Variants in SLC20A2 observed in about 807,000 individuals in gnomAD.
The protein encoded by SLC20A2 is sodium-dependent phosphate transporter 2.
In SLC20A2, 30 loss-of-function variants were observed where a neutral mutation model predicts 61.0. That is an observed-to-expected ratio of 0.49 (90% CI 0.37 to 0.67). SLC20A2 has a LOEUF of 0.67. Among genes scored for constraint, SLC20A2 ranks in the 30% least tolerant of loss-of-function variants. SLC20A2 has a pLI of 0.00. For synonymous variants in SLC20A2, 351 were observed against 353.3 expected (o/e 0.99, Z 0.07); for missense variants, 626 against 866.4 (o/e 0.72, Z 3.48).
intron 1 of SLC20A2, among the ~76,000 whole-genome samples, chr8:42,498,278 T>C (rs1250447149): frequency 6.6e-6 from 1 of 152,134 alleles, no homozygotes; most frequent in African/African-American, 2.4e-5. Context: ...CTGGGGTCAG[T>C]CTTGTCACTT....
At chr8:42,461,367 AAG>A (rs1806684694) in intron 4 of SLC20A2, among the ~76,000 whole-genome samples, 1 of 152,176 alleles carries the variant, frequency 6.6e-6, no homozygotes, top group African/African-American at 2.4e-5. Context: ...GACATTGCTA[AAG>A]AGAGATTCCC....
intron 1 of SLC20A2, among the ~76,000 whole-genome samples, chr8:42,510,228 G>C (rs1243545272): frequency 1.3e-5 from 2 of 152,128 alleles, no homozygotes; most frequent in Admixed American, 6.5e-5. Context: ...CCCATTAAAA[G>C]TGCTTGAAAA....
At chr8:42,424,551 T>A (rs1471257825) in intron 10 of SLC20A2, among the ~76,000 whole-genome samples, 1 of 152,218 alleles carries the variant, frequency 6.6e-6, no homozygotes, top group Admixed American at 6.5e-5. Flanking sequence ...TCCTCTGATA[T>A]GAAATACAAA....
chr8:42,442,161 G>T (rs574212783), intron 6 of SLC20A2, among the ~76,000 whole-genome samples: 2 of 151,990 alleles, frequency 1.3e-5, no homozygotes, highest in Non-Finnish European at 2.9e-5. Flanking sequence ...TCGAACTCCC[G>T]ACCTCAGGTG....
At chr8:42,457,072 C>T (rs983629122) in intron 5 of SLC20A2, among the ~76,000 whole-genome samples, 3 of 151,748 alleles carry the variant, frequency 2.0e-5, no homozygotes, top group East Asian at 2.0e-4. Context: ...TACAGGTGCC[C>T]GCCACCATGA....
intron 2 of SLC20A2, among the ~76,000 whole-genome samples, chr8:42,466,876 C>T (rs1227772889): frequency 6.6e-6 from 1 of 152,040 alleles, no homozygotes; most frequent in Non-Finnish European, 1.5e-5. Context: ...TGCTATGTTA[C>T]CCAGGCTGGT....
At chr8:42,460,134 C>T in intron 4 of SLC20A2, 142 bp from the exon 5 acceptor site, 1 of 571,650 alleles carries the variant, frequency 1.7e-6, no homozygotes, top group Non-Finnish European at 3.2e-6. Flanking sequence ...GTTGTCACTG[C>T]CTGTGATCTG....
intron 1 of SLC20A2, among the ~76,000 whole-genome samples, chr8:42,478,215 T>TTG (rs1255127696): frequency 6.8e-6 from 1 of 147,384 alleles, no homozygotes; most frequent in Non-Finnish European, 1.5e-5. Context: ...TCCTTTTCTT[T>TTG]TTTTTTTTTT....
At chr8:42,517,085 T>C (rs1279418106) in intron 1 of SLC20A2, among the ~76,000 whole-genome samples, 1 of 152,236 alleles carries the variant, frequency 6.6e-6, no homozygotes, top group Non-Finnish European at 1.5e-5. Flanking sequence ...CCTATTCAGA[T>C]CATTCTGAAA....
At chr8:42,520,224 G>C (rs1811563152) in intron 1 of SLC20A2, among the ~76,000 whole-genome samples, 2 of 150,236 alleles carry the variant, frequency 1.3e-5, no homozygotes, top group Non-Finnish European at 3.0e-5. Context: ...ATGTTGGCCA[G>C]GCTGGTCTCA....
intron 1 of SLC20A2, among the ~76,000 whole-genome samples, chr8:42,533,652 TTC>T (rs1424679140): frequency 7.9e-5 from 9 of 113,504 alleles, no homozygotes; most frequent in African/African-American, 3.3e-4. Context: ...TGATCAACTG[TTC>T]TTTTTTTTTT....
chr8:42,448,769 AGCTGT>A (rs201167563), intron 5 of SLC20A2, among the ~76,000 whole-genome samples: 7,888 of 152,228 alleles, frequency 0.052, 283 homozygotes, highest in Non-Finnish European at 0.086. Context: ...AAACAGGGGA[AGCTGT>A]TCACAGTAGG....
intron 6 of SLC20A2, among the ~76,000 whole-genome samples, chr8:42,444,242 A>C (rs80144605): frequency 0.018 from 2,809 of 152,336 alleles, 91 homozygotes; most frequent in African/African-American, 0.064. Flanking sequence ...ATTTCAGCAT[A>C]AACCTGGGAG....
At chr8:42,486,988 T>C (rs910757853) in intron 1 of SLC20A2, among the ~76,000 whole-genome samples, 2 of 152,002 alleles carry the variant, frequency 1.3e-5, no homozygotes, top group Admixed American at 6.6e-5. Context: ...TGCCTCAGCC[T>C]CCCGGGTAGC....
chr8:42,435,903 G>T (rs1804212785), intron 8 of SLC20A2, among the ~76,000 whole-genome samples: 3 of 152,108 alleles, frequency 2.0e-5, no homozygotes, highest in Admixed American at 2.0e-4. Flanking sequence ...GATCACCTGA[G>T]GTCAGGAGTT....
At chr8:42,449,285 G>A (rs1805470434) in intron 5 of SLC20A2, among the ~76,000 whole-genome samples, 1 of 152,080 alleles carries the variant, frequency 6.6e-6, no homozygotes, top group Non-Finnish European at 1.5e-5. Flanking sequence ...CTGGGTCTCC[G>A]TTCTCGGTTT....
chr8:42,458,081 C>T (rs1806354415), intron 5 of SLC20A2, among the ~76,000 whole-genome samples: 1 of 152,010 alleles, frequency 6.6e-6, no homozygotes, highest in South Asian at 2.1e-4. Flanking sequence ...GTCAACATGG[C>T]CAATAACCAA....
At chr8:42,513,332 G>T (rs1449909428) in intron 1 of SLC20A2, among the ~76,000 whole-genome samples, 1 of 152,184 alleles carries the variant, frequency 6.6e-6, no homozygotes, top group Non-Finnish European at 1.5e-5. Context: ...CACAGTGGCT[G>T]CCTCTCCACC....
At position 42,444,704 on chromosome 8, in the gene SLC20A2, G is replaced by A. The variant is rs2131053135; in HGVS notation, c.672C>T (p.Leu224=). 1.9e-6 allele frequency: 3 copies of A among 1,614,036 alleles called. No individual in the cohort carries two copies. The highest frequency in any genetic ancestry group is 2.5e-6 in the Non-Finnish European group (3 of 1,179,922). ...AIALISFGVA[L]LFAFFVWLFV... Reference sequence around the variant, plus strand: ...AGAGCCACACAAAAAAAGCGAACAGGAGGGCGACACCAAAGGAAATGAGGG... The same window carrying A: ...AGAGCCACACAAAAAAAGCGAACAGAAGGGCGACACCAAAGGAAATGAGGG... Residue 224 remains leucine, a synonymous_variant, in exon 6 of 11, where the codon CTC becomes CTT. Transcript: ENST00000520262.
Sources: gnomAD v4.1 joint callset for allele counts (sites outside exome capture counted in the v4.1 genomes callset) on GRCh38, gnomAD v4.1.1 for gene constraint, MANE v1.5 for transcripts, NCBI Gene and HGNC (gene_info 2026-07-23, HGNC 2026-07-21) for gene names.